TADA2A: variants seen among roughly 807,000 people sequenced by gnomAD.
TADA2A encodes the protein transcriptional adapter 2-alpha.
In TADA2A, 38 loss-of-function variants were observed where a neutral mutation model predicts 67.4. The ratio of observed to expected loss-of-function variants is 0.56; its 90% confidence interval spans 0.44 to 0.74. The LOEUF is 0.74. TADA2A is among the 30% of genes least tolerant of loss of function. The probability of loss-of-function intolerance (pLI) is 0.00; values close to 1 mark genes in which losing one functional copy is unlikely to be tolerated. For synonymous variants in TADA2A, 192 were observed against 181.6 expected (o/e 1.06, Z -0.46); for missense variants, 454 against 547.0 (o/e 0.83, Z 1.70).
In TADA2A at chr17:37,465,515, A is replaced by G. The variant is rs911129443; in HGVS notation, c.797A>G (p.His266Arg). 6.2e-7 allele frequency: 1 copy of G among 1,614,194 alleles called. No individual in the cohort carries two copies. The highest frequency in any genetic ancestry group is 1.3e-5 in the African/African-American group (1 of 75,052). Residue 266 changes from histidine to arginine, a missense_variant, in exon 11 of 16, where the codon CAT (histidine) becomes CGT (arginine). By Grantham distance (29) the His-to-Arg change is conservative. Around this residue, in one of 2 missense-constraint regions of TADA2A, gnomAD observed 403 missense variants for 455.5 expected, o/e 0.88. Coordinates refer to ENST00000615182, the MANE Select transcript of TADA2A (RefSeq NM_001166105.3). ...GCAAGAATTGTGGGGCCAGTGGAAC[A>G]TGACAAATTCATTGAAAGCCATGCA... ...RFARIVGPVE[H>R]DKFIESHALE...
At chr17:37,429,245 A>T (rs989239061) in intron 4 of TADA2A, among the ~76,000 whole-genome samples, 1 of 151,800 alleles carries the variant, frequency 6.6e-6, no homozygotes, top group Non-Finnish European at 1.5e-5. Context: ...AGGCACCTCA[A>T]CTATGTATAA....
intron 9 of TADA2A, 124 bp downstream of exon 9, chr17:37,458,711 C>A: frequency 1.3e-6 from 1 of 747,912 alleles, no homozygotes. Context: ...AGGTCTCACT[C>A]TGTTGCCCAG....
chr17:37,442,634 T>C lies in TADA2A; in HGVS notation c.513T>C (p.Ala171=). The part of the protein sequence containing the change: ...LSRDMAGYMP[A]RADFIEEFDN... ...GGGACATGGCCGGGTACATGCCAGC[T>C]CGAGCAGATTTCATTGAGGTAGGAT... The change falls in exon 7 of 16, where the codon GCT becomes GCC. Residue 171 remains alanine (A), a synonymous_variant. Coordinates refer to ENST00000615182, the MANE Select transcript of TADA2A (RefSeq NM_001166105.3). 6.2e-7 allele frequency: 1 copy of C among 1,614,020 alleles called. No homozygotes were observed. Among genetic ancestry groups the C allele is most frequent in the Non-Finnish European group, 8.5e-7 (1 of 1,180,002 alleles).
At chr17:37,467,143 ACT>A (rs1480509008) in intron 11 of TADA2A, among the ~76,000 whole-genome samples, 1 of 151,898 alleles carries the variant, frequency 6.6e-6, no homozygotes, top group Non-Finnish European at 1.5e-5. Flanking sequence ...ACAGAGCGAG[ACT>A]CTGTCTCAAA....
chr17:37,444,795 A>C (rs777574093), intron 8 of TADA2A, 27 bp downstream of exon 8: 2 of 1,601,724 alleles, frequency 1.2e-6, no homozygotes, highest in Admixed American at 3.3e-5. Flanking sequence ...TCAAATGTTT[A>C]TCGAGCGCCA....
chr17:37,422,464 A>C (rs551473901), intron 2 of TADA2A, among the ~76,000 whole-genome samples: 251 of 142,678 alleles, frequency 1.8e-3, no homozygotes, highest in African/African-American at 6.1e-3. Flanking sequence ...TACAGGCGTG[A>C]GCCACCATGC....
intron 4 of TADA2A, among the ~76,000 whole-genome samples, chr17:37,427,329 T>C (rs1467469959): frequency 6.6e-6 from 1 of 152,218 alleles, no homozygotes. Flanking sequence ...TTTAAACTCA[T>C]TGATAAACAT....
chr17:37,461,966 T>G, intron 9 of TADA2A, 112 bp from the exon 10 acceptor site: 1 of 846,492 alleles, frequency 1.2e-6, no homozygotes, highest in Non-Finnish European at 1.9e-6. Context: ...TTTGGACCTC[T>G]GTATTGTATT....
chr17:37,449,695 C>CT (rs894983003), intron 8 of TADA2A, among the ~76,000 whole-genome samples: 2 of 151,208 alleles, frequency 1.3e-5, no homozygotes, highest in African/African-American at 4.9e-5. Flanking sequence ...TCATGGCTCA[C>CT]TGCAGCCTCA....
chr17:37,465,433 A>G lies in TADA2A; in HGVS notation c.715A>G (p.Met239Val). 1 of 1,609,884 alleles carries G rather than the reference A, an allele frequency of 6.2e-7. No homozygotes were observed. The highest frequency in any genetic ancestry group is 8.5e-7 in the Non-Finnish European group (1 of 1,177,330). Residue 239 changes from methionine to valine, a missense_variant and splice_region_variant, in exon 11 of 16, where the codon ATG becomes GTG. Met to Val is a conservative substitution (Grantham distance 21, BLOSUM62 1). This residue lies in a region of TADA2A where 403 missense variants were observed against 455.5 expected (regional missense o/e 0.88). Transcript: ENST00000615182. Reference sequence around the variant, plus strand: ...TTTATGTTTTATTTTCTCTGTAGTAATGGAACGGCGGTATCCCAAGGAGGT... The same window carrying G: ...TTTATGTTTTATTTTCTCTGTAGTAGTGGAACGGCGGTATCCCAAGGAGGT... ...GLINLRKFQL[M>V]ERRYPKEVQD... is the part of the protein sequence containing the mutation.
In TADA2A at chr17:37,411,250, C is replaced by T; in HGVS notation, c.-97-19C>T. The T allele has an allele frequency of 1.1e-6, 1 of 886,720 alleles. No homozygotes were observed. The highest frequency in any genetic ancestry group is 1.9e-6 in the Non-Finnish European group (1 of 533,634). 54.9% of individuals were successfully genotyped at this position (886,720 alleles called of 1,614,324 possible). Reference sequence around the variant, plus strand: ...TTGAATGATTTTCTGATCCATGTGCCACTTTTGTTTGTTCCTAGGGAGTCA... The same window carrying T: ...TTGAATGATTTTCTGATCCATGTGCTACTTTTGTTTGTTCCTAGGGAGTCA... On this transcript the variant is annotated intron_variant, in intron 1 of 15. Transcript: ENST00000615182.
chr17:37,471,283 T>A (rs2053782217), intron 14 of TADA2A, 146 bp downstream of exon 14: 1 of 774,352 alleles, frequency 1.3e-6, no homozygotes, highest in East Asian at 2.7e-5. Flanking sequence ...TATATAAACA[T>A]CAGTATGTTT....
At chr17:37,441,755 C>T (rs1435187802) in intron 6 of TADA2A, among the ~76,000 whole-genome samples, 1 of 151,778 alleles carries the variant, frequency 6.6e-6, no homozygotes, top group Non-Finnish European at 1.5e-5. Flanking sequence ...CAACCTCCAC[C>T]TCCAGGGTTC....
At chr17:37,411,468 G>C in intron 2 of TADA2A, 78 bp downstream of exon 2, 2 of 1,384,112 alleles carry the variant, frequency 1.4e-6, no homozygotes, top group Non-Finnish European at 2.1e-6. Flanking sequence ...TGTTGCCCAG[G>C]CTGGGGTACA....
At chr17:37,455,810 C>G (rs2053375948) in intron 8 of TADA2A, among the ~76,000 whole-genome samples, 1 of 152,172 alleles carries the variant, frequency 6.6e-6, no homozygotes, top group Non-Finnish European at 1.5e-5. Flanking sequence ...TGGAACCAGA[C>G]TGCTTATTTT....
rs755632112 is a variant in TADA2A, at chr17:37,476,987, C to T, written c.*5C>T. 2 of 1,598,068 alleles carry T rather than the reference C, an allele frequency of 1.3e-6. No homozygotes were observed. The highest frequency in any genetic ancestry group is 2.7e-5 in the African/African-American group (2 of 74,484). ...GGATACATCACTAAAGGCTAAGGCT[C>T]CAAGAGCTTGGGATCAGAAGTCAGA... On this transcript the variant is annotated 3_prime_UTR_variant, in exon 16 of 16. Coordinates refer to ENST00000615182, the MANE Select transcript of TADA2A (RefSeq NM_001166105.3).
chr17:37,442,294 AT>A (rs1232351788), intron 6 of TADA2A, among the ~76,000 whole-genome samples: 4 of 147,798 alleles, frequency 2.7e-5, no homozygotes, highest in African/African-American at 7.5e-5. Context: ...AACGGTAAAT[AT>A]TTAGGTTCTG....
At chr17:37,475,400 A>G (rs1206774921) in intron 15 of TADA2A, among the ~76,000 whole-genome samples, 2 of 150,584 alleles carry the variant, frequency 1.3e-5, no homozygotes, top group Non-Finnish European at 3.0e-5. Context: ...CTGATCTTGA[A>G]CTCCTGACCT....
intron 10 of TADA2A, among the ~76,000 whole-genome samples, chr17:37,463,579 T>C (rs560618035): frequency 1.7e-4 from 26 of 152,112 alleles, no homozygotes; most frequent in Non-Finnish European, 3.7e-4. Flanking sequence ...CACTCCAGCC[T>C]GGGCAACAGA....
Sources: allele counts gnomAD v4.1 joint callset (sites outside exome capture counted in the v4.1 genomes callset), GRCh38; gene constraint gnomAD v4.1.1; regional missense constraint gnomAD v4.1.1; transcripts MANE v1.5; gene names NCBI Gene and HGNC (gene_info 2026-07-23, HGNC 2026-07-21).